The following COL4A3 variants were observed in gnomAD, a reference collection of about 807,000 sequenced individuals.
COL4A3 encodes collagen alpha-3(IV) chain.
Under a neutral mutation model 217.4 loss-of-function variants are expected in COL4A3, and 135 were observed. The observed-to-expected ratio is 0.62, with a 90% CI of 0.54 to 0.72. The LOEUF (loss-of-function observed/expected upper bound fraction) is 0.72, where lower values mean the gene tolerates loss of function less well. COL4A3 is among the 30% of genes least tolerant of loss of function. The pLI, the probability that COL4A3 is intolerant of heterozygous loss-of-function variation, is 0.00. For synonymous variants in COL4A3, 690 were observed against 736.3 expected, an observed-to-expected ratio of 0.94 and a Z score of 1.02; for missense variants, 1,868 against 2,119.9, an observed-to-expected ratio of 0.88 and a Z score of 2.33.
At chr2:227,210,805 C>T (rs904340138) in intron 1 of COL4A3, among the ~76,000 whole-genome samples, 6 of 152,256 alleles carry the variant, frequency 3.9e-5, no homozygotes, top group East Asian at 1.9e-4. Flanking sequence ...TTTTTCTTTG[C>T]CGTGTCTCCC....
intron 13 of COL4A3, 69 bp from the exon 14 acceptor site, chr2:227,254,043 G>T: frequency 7.2e-7 from 1 of 1,381,788 alleles, no homozygotes; most frequent in East Asian, 2.3e-5. Flanking sequence ...TAGAGGATTT[G>T]TCCCACTGTT....
chr2:227,280,019 T>C (rs1161163069), intron 29 of COL4A3, 129 bp downstream of exon 29: 3 of 644,198 alleles, frequency 4.7e-6, no homozygotes, highest in Non-Finnish European at 5.4e-6. Flanking sequence ...GATGAAGATA[T>C]TAAATTTTTT....
At chr2:227,202,773 C>T (rs55765494) in intron 1 of COL4A3, among the ~76,000 whole-genome samples, 22 of 111,842 alleles carry the variant, frequency 2.0e-4, no homozygotes, top group Non-Finnish European at 3.6e-4. Flanking sequence ...ATATATATAT[C>T]ACATATATAT....
At position 227,282,523 on chromosome 2, in the gene COL4A3, G is replaced by A. The variant is rs1559897288; in HGVS notation, c.2647G>A (p.Gly883Arg). The A allele has an allele frequency of 3.1e-6, 5 of 1,613,294 alleles. No individual in the cohort carries two copies. The highest frequency in any genetic ancestry group is 4.2e-6 in the Non-Finnish European group (5 of 1,179,646). ...ATATCCAGGAAATCCGGGAATTTTAGGGCCACCAGGTATCCTTTTGTGTGT... is the reference window on the plus strand; with the variant it reads ...ATATCCAGGAAATCCGGGAATTTTAAGGCCACCAGGTATCCTTTTGTGTGT... ...RGYPGNPGIL[G>R]PPGEDGVIGM... The change falls in exon 32 of 52, where the codon GGG becomes AGG. Residue 883 changes from glycine (G) to arginine (R), a missense_variant. Gly to Arg is a moderately radical substitution (Grantham distance 125). Around this residue, in one of 2 missense-constraint regions of COL4A3, gnomAD observed 1,503 missense variants for 1,786.1 expected, o/e 0.84. Coordinates refer to ENST00000396578, the MANE Select transcript of COL4A3 (RefSeq NM_000091.5). This position sits in a 1 kb window ranked among gnomAD's most constrained non-coding sequence, Gnocchi z 4.4.
Position 227,312,194 on chromosome 2 carries a change from A to C in COL4A3, c.*324A>C. On this transcript the variant is annotated 3_prime_UTR_variant, in exon 52 of 52. Transcript: ENST00000396578. ...AAGTTTGAATGCTGCAAGTTATGAA[A>C]TATTTGGCCCGCTGGATTCCCACAT... The C allele has an allele frequency of 3.6e-6, 1 of 276,444 alleles. No individual in the cohort carries two copies. The highest frequency in any genetic ancestry group is 7.0e-6 in the Non-Finnish European group (1 of 141,860). The allele number at this position is 276,444 out of a possible 1,614,324, so 17.1% of individuals were successfully genotyped here. A position where few individuals can be genotyped will look rare whatever the true frequency, so the allele number is the denominator to read the frequency against.
chr2:227,303,108 AAG>A lies in COL4A3; in HGVS notation c.3954_3955del (p.Gly1319ArgfsTer4). 1 of 1,613,628 alleles carries A rather than the reference AAG, an allele frequency of 6.2e-7. No homozygotes were observed. Among genetic ancestry groups the A allele is most frequent in the Non-Finnish European group, 8.5e-7 (1 of 1,179,590 alleles). ...GGATTCCAGGGGTTTCCAGGCGTGA[AAG>A]GTACTGTTTTTGTGCATTGCTCTTT... On this transcript the variant is annotated frameshift_variant and splice_region_variant, in exon 44 of 52. Transcript: ENST00000396578. LOFTEE classifies it high-confidence loss of function.
At chr2:227,304,834 A>C in intron 46 of COL4A3, 151 bp from the exon 47 acceptor site, 1 of 671,482 alleles carries the variant, frequency 1.5e-6, no homozygotes, top group South Asian at 1.7e-5. Flanking sequence ...TTAGGTGACT[A>C]ATCATCCTAG....
intron 1 of COL4A3, among the ~76,000 whole-genome samples, chr2:227,226,779 A>G (rs1055550770): frequency 6.6e-6 from 1 of 152,108 alleles, no homozygotes; most frequent in African/African-American, 2.4e-5. Context: ...CTCTATCTTA[A>G]TTTTTAATGC....
intron 1 of COL4A3, among the ~76,000 whole-genome samples, chr2:227,232,076 C>G (rs2068438640): frequency 6.6e-6 from 1 of 152,152 alleles, no homozygotes; most frequent in African/African-American, 2.4e-5. Context: ...CTTTCTGTAC[C>G]TGGCTTATTT....
In COL4A3 at chr2:227,290,737, C is replaced by T. The variant is rs1358124116; in HGVS notation, c.3071-10C>T. 1 of 1,612,408 alleles carries T rather than the reference C, an allele frequency of 6.2e-7. No homozygotes were observed. Among genetic ancestry groups the T allele is most frequent in the South Asian group, 1.1e-5 (1 of 90,960 alleles). On this transcript the variant is annotated splice_polypyrimidine_tract_variant and intron_variant, in intron 36 of 51. Coordinates refer to ENST00000396578, the MANE Select transcript of COL4A3 (RefSeq NM_000091.5). ...ATCTATTTTACTCTATGTTTTCCCC[C>T]TAATTTCAGGTTCTAAAGGAAAAAG... is the stretch of plus-strand genomic sequence containing the variant.
At chr2:227,241,585 G>A (rs1260539805) in intron 3 of COL4A3, among the ~76,000 whole-genome samples, 1 of 152,020 alleles carries the variant, frequency 6.6e-6, no homozygotes, top group African/African-American at 2.4e-5. Flanking sequence ...GAGGTAGGAG[G>A]ATTGCTTGAG....
Position 227,246,032 on chromosome 2 carries a change from A to T in COL4A3, c.387+16A>T. The T allele has an allele frequency of 6.3e-7, 1 of 1,584,172 alleles. No individual in the cohort carries two copies. The highest frequency in any genetic ancestry group is 8.7e-7 in the Non-Finnish European group (1 of 1,152,794). ...TGGTTCTAAGGTAAGTACTTTTCAC[A>T]CAGAAGATGATTAATAAATGCTTTG... On this transcript the variant is annotated intron_variant, in intron 6 of 51. Transcript: ENST00000396578.
Position 227,311,817 on chromosome 2 carries a change from G to C in COL4A3, c.4960G>C (p.Glu1654Gln). The change falls in exon 52 of 52, where the codon GAA becomes CAA. Residue 1654 changes from glutamate to glutamine, a missense_variant. Physicochemically the swap from Glu to Gln is conservative, Grantham distance 29 (BLOSUM62 2). Coordinates refer to ENST00000396578, the MANE Select transcript of COL4A3 (RefSeq NM_000091.5). ...TATTCCATCAACTGTGAAAGCTGGG[G>C]AATTAGAAAAAATAATAAGTCGCTG... is the stretch of plus-strand genomic sequence containing the variant. ...KPIPSTVKAG[E>Q]LEKIISRCQV... 3.1e-6 allele frequency: 5 copies of C among 1,613,866 alleles called. No individual in the cohort carries two copies. Among genetic ancestry groups the C allele is most frequent in the Non-Finnish European group, 4.2e-6 (5 of 1,179,970 alleles).
At chr2:227,277,323 A>G (rs1438097765) in intron 27 of COL4A3, 126 bp from the exon 28 acceptor site, 1 of 1,070 alleles carries the variant, frequency 9.3e-4, no homozygotes, top group Non-Finnish European at 2.3e-3. Context: ...CATCAACAGG[A>G]AAAAAAAAAA....
In COL4A3 at chr2:227,304,981, C is replaced by T; in HGVS notation, c.4154-4C>T. 2 of 1,613,110 alleles carry T rather than the reference C, an allele frequency of 1.2e-6. No individual in the cohort carries two copies. The highest frequency in any genetic ancestry group is 1.7e-6 in the Non-Finnish European group (2 of 1,179,434). ...AATGCAATACAATGTTGGTTTTTGC[C>T]TAGGACCCTGTGGGCCAAGAGGTAA... is the stretch of plus-strand genomic sequence containing the variant. On this transcript the variant is annotated splice_polypyrimidine_tract_variant and splice_region_variant and intron_variant, in intron 46 of 51. Transcript: ENST00000396578.
chr2:227,217,459 T>G (rs539802736), intron 1 of COL4A3, among the ~76,000 whole-genome samples: 1 of 152,318 alleles, frequency 6.6e-6, no homozygotes, highest in African/African-American at 2.4e-5. Flanking sequence ...AAAGACATAT[T>G]TTAGCCACAA....
At chr2:227,230,161 G>A (rs1348300077) in intron 1 of COL4A3, among the ~76,000 whole-genome samples, 1 of 152,076 alleles carries the variant, frequency 6.6e-6, no homozygotes, top group Non-Finnish European at 1.5e-5. Flanking sequence ...TACATACATG[G>A]CCTGTGATTT....
chr2:227,265,036 CTCTTTG>C (rs1309159708), intron 21 of COL4A3: 3 of 152,226 alleles, frequency 2.0e-5, no homozygotes, highest in Non-Finnish European at 4.4e-5. Flanking sequence ...ACATTGCCTT[CTCTTTG>C]TCTTTGTCAG....
intron 47 of COL4A3, among the ~76,000 whole-genome samples, chr2:227,306,007 T>A (rs1041849510): frequency 2.0e-5 from 3 of 152,226 alleles, no homozygotes; most frequent in African/African-American, 7.2e-5. Context: ...GTTAATATAA[T>A]ACTAATTGCA....
Sources: allele counts gnomAD v4.1 joint callset (sites outside exome capture counted in the v4.1 genomes callset), GRCh38; gene constraint gnomAD v4.1.1; regional missense constraint gnomAD v4.1.1; non-coding constraint Gnocchi (gnomAD v3.1); transcripts MANE v1.5; gene names NCBI Gene and HGNC (gene_info 2026-07-23, HGNC 2026-07-21).